Variants in PKD1L1 observed in about 807,000 individuals in gnomAD.
PKD1L1 encodes polycystin-1-like protein 1.
In PKD1L1, 236 loss-of-function variants were observed where a neutral mutation model predicts 323.4. That is an observed-to-expected ratio of 0.73 (90% CI 0.66 to 0.81). The LOEUF (loss-of-function observed/expected upper bound fraction) is 0.81. Ranked by LOEUF, PKD1L1 falls within the 40% of genes least tolerant of loss-of-function variation. PKD1L1 has a pLI of 0.00. For missense variants in PKD1L1, 3,320 were observed against 3,508.0 expected (o/e 0.95, Z 1.35); for synonymous variants, 1,344 against 1,335.0 (o/e 1.01, Z -0.15).
In PKD1L1 at chr7:47,918,859, C is replaced by T. The variant is rs1164808427; in HGVS notation, c.1061-3260G>A. On this transcript the variant is annotated intron_variant, in intron 7 of 56. Transcript: ENST00000289672. Reference sequence around the variant, plus strand: ...ACAACGTATCAAAACCTCTGGGACACAGCAAAGGTGGTGCTAAGTGGAAAT... The same window carrying T: ...ACAACGTATCAAAACCTCTGGGACATAGCAAAGGTGGTGCTAAGTGGAAAT... Among the ~76,000 whole-genome samples the T allele has an allele frequency of 5.9e-5, 9 of 152,270 alleles. No homozygotes were observed. In the East Asian group the frequency reaches 1.5e-3, roughly 26 times the overall value.
intron 2 of PKD1L1, 124 bp downstream of exon 2, chr7:47,943,272 G>C: frequency 2.7e-6 from 2 of 736,936 alleles, no homozygotes. Flanking sequence ...AGATCACTCT[G>C]ACCTTCCTTC....
chr7:47,805,679 A>G (rs760597455), intron 52 of PKD1L1, among the ~76,000 whole-genome samples: 4 of 152,240 alleles, frequency 2.6e-5, no homozygotes, highest in Non-Finnish European at 5.9e-5. Context: ...AATGTGGACC[A>G]TGTCCTTGGA....
At chr7:47,826,031 C>G (rs1053303815) in intron 45 of PKD1L1, among the ~76,000 whole-genome samples, 1 of 152,108 alleles carries the variant, frequency 6.6e-6, no homozygotes, top group African/African-American at 2.4e-5. Context: ...GAGGGCTGAG[C>G]TGGCCCAGCA....
At chr7:47,820,946 TTAC>T in intron 46 of PKD1L1, 127 bp downstream of exon 46, 2 of 594,780 alleles carry the variant, frequency 3.4e-6, no homozygotes, top group Non-Finnish European at 6.0e-6. Flanking sequence ...GGGGGTTTTA[TTAC>T]TACCAGGGAA....
rs78833972 is a variant in PKD1L1 at position 47,873,962 on chromosome 7, G to A, written c.3833C>T (p.Pro1278Leu). Residue 1278 changes from proline (P) to leucine (L), a missense_variant, in exon 24 of 57, where the codon CCG (proline) becomes CTG (leucine). Coordinates refer to ENST00000289672, the MANE Select transcript of PKD1L1 (RefSeq NM_138295.5). ...CAGCACAGTCACCACCACAGTGCACGGCTGGACCTTGGAGCCTTTGCCATC... is the reference window on the plus strand; with the variant it reads ...CAGCACAGTCACCACCACAGTGCACAGCTGGACCTTGGAGCCTTTGCCATC... ...ITDGKGSKVQ[P>L]CTVVVTVLPR... 6.1e-4 allele frequency: 985 copies of A among 1,613,684 alleles called. 12 individuals carry two copies. In the East Asian group the frequency reaches 0.02, roughly 33 times the overall value.
chr7:47,902,626 T>G (rs1328424149), intron 12 of PKD1L1, 115 bp from the exon 13 acceptor site: 7 of 1,274,874 alleles, frequency 5.5e-6, no homozygotes, highest in East Asian at 2.4e-5. Flanking sequence ...CAGCAAGTCA[T>G]CCCATGAATA....
At chr7:47,783,860 T>C (rs1411990439) in intron 56 of PKD1L1, among the ~76,000 whole-genome samples, 4 of 152,248 alleles carry the variant, frequency 2.6e-5, no homozygotes, top group Non-Finnish European at 5.9e-5. Context: ...TTACATATTC[T>C]TTTGGGAAAT....
chr7:47,887,936 AT>A, intron 17 of PKD1L1, 53 bp downstream of exon 17: 2 of 1,541,822 alleles, frequency 1.3e-6, no homozygotes, highest in Non-Finnish European at 1.8e-6. Flanking sequence ...CAATCTCACA[AT>A]AACCCTGAGT....
rs1371987425 is a variant in PKD1L1 at position 47,926,515 on chromosome 7, G to C, written c.1060+2689C>G. Among the ~76,000 whole-genome samples the C allele has an allele frequency of 2.6e-5, 4 of 152,262 alleles. No homozygotes were observed. The East Asian group carries it at 7.7e-4, about 29-fold the overall frequency. On this transcript the variant is annotated intron_variant, in intron 7 of 56. Transcript: ENST00000289672. ...AGTTCTTAGGACCTCCTGGAGCTGT[G>C]CCTCAGACCATGGTCACTCATATTT...
At chr7:47,959,783 C>G in the PKD1L1 span, among the ~76,000 whole-genome samples, 2 of 112,578 alleles carry the variant, frequency 1.8e-5, no homozygotes, top group Non-Finnish European at 1.9e-5. Flanking sequence ...CCGCCCCGTC[C>G]GGGAGGTGAG....
At position 47,872,603 on chromosome 7, in the gene PKD1L1, C is replaced by T. The variant is rs372451721; in HGVS notation, c.3896+1296G>A. ...CATATGAAAAGATGCTCAACCTCAT[C>T]AATTATTAGAGAAACGCAAGTCCAA... On this transcript the variant is annotated intron_variant, in intron 24 of 56. Coordinates refer to ENST00000289672, the MANE Select transcript of PKD1L1 (RefSeq NM_138295.5). Among the ~76,000 whole-genome samples, 237 of 152,262 alleles carry T rather than the reference C, an allele frequency of 1.6e-3. 5 individuals carry two copies. The South Asian group carries it at 0.047, about 30-fold the overall frequency.
intron 4 of PKD1L1, among the ~76,000 whole-genome samples, chr7:47,935,614 G>A (rs926603989): frequency 3.9e-5 from 6 of 152,188 alleles, no homozygotes; most frequent in Admixed American, 1.3e-4. Flanking sequence ...TGGCTGTCAC[G>A]GATTCTTCTT....
At chr7:47,883,173 T>C (rs935483764) in intron 19 of PKD1L1, among the ~76,000 whole-genome samples, 2 of 152,208 alleles carry the variant, frequency 1.3e-5, no homozygotes, top group Non-Finnish European at 2.9e-5. Flanking sequence ...TTTTAAATGT[T>C]CTGTATGATG....
chr7:47,809,963 C>CTATATATACATA (rs1389702835), intron 50 of PKD1L1, among the ~76,000 whole-genome samples: 2 of 152,212 alleles, frequency 1.3e-5, no homozygotes, highest in Non-Finnish European at 2.9e-5. Context: ...AACATATGAA[C>CTATATATACATA]TATATATACA....
At chr7:47,793,937 C>T (rs991397284) in intron 55 of PKD1L1, among the ~76,000 whole-genome samples, 1 of 152,098 alleles carries the variant, frequency 6.6e-6, no homozygotes, top group African/African-American at 2.4e-5. Flanking sequence ...GCATTTTGCC[C>T]CACCCTAGAG....
At chr7:47,882,108 T>C (rs375118720) in intron 19 of PKD1L1, 23 bp from the exon 20 acceptor site, 9 of 1,609,780 alleles carry the variant, frequency 5.6e-6, no homozygotes, top group African/African-American at 5.4e-5. Flanking sequence ...ACCAAGCCAA[T>C]AGATGTTAAA....
At chr7:47,952,114 A>G (rs1788213111), upstream of PKD1L1, among the ~76,000 whole-genome samples, 1 of 151,334 alleles carries the variant, frequency 6.6e-6, no homozygotes, top group Non-Finnish European at 1.5e-5. Flanking sequence ...CCCTATCCCC[A>G]CTCCCAGCCC....
intron 26 of PKD1L1, among the ~76,000 whole-genome samples, chr7:47,860,203 C>T (rs4724652): frequency 0.98 from 149,860 of 152,344 alleles, 73,751 homozygotes; most frequent in East Asian, 1. Context: ...AACAAAACTA[C>T]GAGTCTTTAC....
chr7:47,801,625 A>T (rs1247203676), intron 53 of PKD1L1, among the ~76,000 whole-genome samples: 2 of 152,152 alleles, frequency 1.3e-5, no homozygotes, highest in Non-Finnish European at 1.5e-5. Context: ...TGCTTGCTGG[A>T]TTCATGTACA....
Sources: allele counts gnomAD v4.1 joint callset (sites outside exome capture counted in the v4.1 genomes callset), GRCh38; gene constraint gnomAD v4.1.1; transcripts MANE v1.5; gene names NCBI Gene and HGNC (gene_info 2026-07-23, HGNC 2026-07-21).